The following MTA3 variants were observed in gnomAD, a reference collection of about 807,000 sequenced individuals.
MTA3 encodes the protein metastasis associated 1 family member 3.
A neutral mutation model predicts 83.5 loss-of-function variants in MTA3; 34 were observed. The observed-to-expected ratio is 0.41, with a 90% CI of 0.31 to 0.54. The LOEUF (loss-of-function observed/expected upper bound fraction) is 0.54, where lower values mean the gene tolerates loss of function less well. MTA3 is among the 20% of genes least tolerant of loss of function. The pLI, the probability that MTA3 is intolerant of heterozygous loss-of-function variation, is 0.33. For missense variants in MTA3, 761 were observed against 726.4 expected, an observed-to-expected ratio of 1.05 and a Z score of -0.55; for synonymous variants, 303 against 252.7, an observed-to-expected ratio of 1.20 and a Z score of -1.89.
At chr2:42,671,689 T>A (rs1412935764) in intron 8 of MTA3, among the ~76,000 whole-genome samples, 1 of 152,224 alleles carries the variant, frequency 6.6e-6, no homozygotes, top group Non-Finnish European at 1.5e-5. Flanking sequence ...TTAATTTAAC[T>A]TGTGAGTTAA....
intron 6 of MTA3, among the ~76,000 whole-genome samples, chr2:42,647,626 T>C (rs1688337447): frequency 1.3e-5 from 2 of 152,118 alleles, no homozygotes; most frequent in South Asian, 4.1e-4. Flanking sequence ...TCTGGGTATT[T>C]ATTTTTACAT....
chr2:42,575,699 C>G (rs969928955), intron 2 of MTA3, among the ~76,000 whole-genome samples: 1 of 152,222 alleles, frequency 6.6e-6, no homozygotes, highest in African/African-American at 2.4e-5. Flanking sequence ...GTTTGTTACC[C>G]TTTTGAGCCT....
At chr2:42,509,335 G>T (rs369333684) in intron 2 of MTA3, among the ~76,000 whole-genome samples, 1 of 152,090 alleles carries the variant, frequency 6.6e-6, no homozygotes, top group African/African-American at 2.4e-5. Context: ...GAGCCACTGC[G>T]CCTGGCCTCA....
intron 9 of MTA3, among the ~76,000 whole-genome samples, chr2:42,687,557 C>G (rs1692496340): frequency 6.6e-6 from 1 of 152,162 alleles, no homozygotes; most frequent in African/African-American, 2.4e-5. Context: ...GTTTTTGTTT[C>G]TCTTGGGAAA....
intron 5 of MTA3, among the ~76,000 whole-genome samples, chr2:42,640,907 C>T (rs1227753502): frequency 3.3e-5 from 5 of 151,942 alleles, no homozygotes; most frequent in Non-Finnish European, 7.4e-5. Flanking sequence ...ATTACATATA[C>T]GTATGTTTTA....
chr2:42,704,324 T>A lies in MTA3; in HGVS notation c.1150+6T>A, dbSNP rs1177821656. On this transcript the variant is annotated splice_donor_region_variant and intron_variant, in intron 12 of 16. Transcript: ENST00000405094. ...AGCCTGTGAGAGCTGCTATGGTAAG[T>A]TTTCTCTAGCAGGTCAGTTAAGCAT... The A allele has an allele frequency of 2.5e-6, 4 of 1,613,362 alleles. No homozygotes were observed. The highest frequency in any genetic ancestry group is 3.4e-6 in the Non-Finnish European group (4 of 1,179,660).
rs752680189 is a variant in MTA3 at position 42,609,473 on chromosome 2, A to G, written c.206A>G (p.Glu69Gly). Residue 69 changes from glutamate to glycine, a missense_variant, in exon 4 of 17, where the codon GAA (glutamate) becomes GGA (glycine). By Grantham distance (98) the Glu-to-Gly change is moderately conservative. Transcript: ENST00000405094. ...ATTTGTGTAGAAGAAATTGAGGAAG[A>G]ATCTGAAACAACAGTTGAGGCTGAC... is the stretch of plus-strand genomic sequence containing the variant. ...ADKHAKEIEE[E>G]SETTVEADLT... is the part of the protein sequence containing the mutation. 5 of 1,613,656 alleles carry G rather than the reference A, an allele frequency of 3.1e-6. No homozygotes were observed. Among genetic ancestry groups the G allele is most frequent in the Non-Finnish European group, 4.2e-6 (5 of 1,179,790 alleles).
intron 4 of MTA3, among the ~76,000 whole-genome samples, chr2:42,627,417 G>A (rs547986661): frequency 9.2e-5 from 14 of 152,242 alleles, no homozygotes; most frequent in African/African-American, 3.4e-4. Flanking sequence ...GCAATGCTAT[G>A]TTTAGTAGTA....
chr2:42,695,945 C>CT (rs1693354422), intron 10 of MTA3, 106 bp downstream of exon 10: 3 of 672,650 alleles, frequency 4.5e-6, no homozygotes, highest in Non-Finnish European at 7.5e-6. Flanking sequence ...GTTTACCTTA[C>CT]TTTTTCCAGA....
At chr2:42,531,300 A>G (rs577804974) in intron 2 of MTA3, among the ~76,000 whole-genome samples, 31 of 152,296 alleles carry the variant, frequency 2.0e-4, no homozygotes, top group Middle Eastern at 6.8e-3. Flanking sequence ...ACAATGGCCT[A>G]AGACAAATGC....
chr2:42,502,348 C>A (rs926984774), intron 2 of MTA3, among the ~76,000 whole-genome samples: 5 of 152,128 alleles, frequency 3.3e-5, no homozygotes, highest in African/African-American at 1.2e-4. Context: ...GTTGTTAGTC[C>A]GCCATCTGAG....
intron 16 of MTA3, among the ~76,000 whole-genome samples, chr2:42,738,582 A>G (rs566557330): frequency 2.0e-5 from 3 of 152,308 alleles, no homozygotes; most frequent in East Asian, 3.9e-4. Context: ...TGCAATATGA[A>G]ATCTGAGCAC....
intron 2 of MTA3, among the ~76,000 whole-genome samples, chr2:42,500,810 G>A (rs557522626): frequency 2.0e-5 from 3 of 148,624 alleles, no homozygotes; most frequent in African/African-American, 7.4e-5. Flanking sequence ...GCTTTATGAA[G>A]CTTTTTTTTT....
At chr2:42,753,286 G>A in intron 16 of MTA3, 88 bp from the exon 17 acceptor site, 1 of 1,543,652 alleles carries the variant, frequency 6.5e-7, no homozygotes, top group South Asian at 1.2e-5. Context: ...AGGTTGTGAT[G>A]TTGGGAGGGG....
chr2:42,695,634 CAAAAAAAAA>C (rs70963347), intron 9 of MTA3, 122 bp from the exon 10 acceptor site: 42 of 130,788 alleles, frequency 3.2e-4, no homozygotes, highest in Non-Finnish European at 4.4e-4. Flanking sequence ...CAGTCTATCT[CAAAAAAAAA>C]AAAAAAAAAA....
chr2:42,734,138 G>A (rs1668437991), intron 16 of MTA3, among the ~76,000 whole-genome samples: 2 of 141,276 alleles, frequency 1.4e-5, no homozygotes, highest in South Asian at 4.8e-4. Flanking sequence ...GAAGTCTCTA[G>A]CTATTATTGT....
At chr2:42,620,091 C>G (rs1218271807) in intron 4 of MTA3, among the ~76,000 whole-genome samples, 3 of 151,432 alleles carry the variant, frequency 2.0e-5, no homozygotes, top group Non-Finnish European at 4.4e-5. Flanking sequence ...CAACCATCAC[C>G]TCTGTATTGT....
At chr2:42,686,566 T>C (rs1692387020) in intron 9 of MTA3, among the ~76,000 whole-genome samples, 1 of 151,846 alleles carries the variant, frequency 6.6e-6, no homozygotes, top group Non-Finnish European at 1.5e-5. Context: ...GGCTCATGCC[T>C]GTAATCCCAA....
intron 1 of MTA3, chr2:42,569,238 T>C (rs1678186220): frequency 6.5e-6 from 1 of 152,924 alleles, no homozygotes; most frequent in African/African-American, 2.4e-5. Flanking sequence ...GGGGCCCAGC[T>C]GGACGGGCCT....
Sources: allele counts gnomAD v4.1 joint callset (sites outside exome capture counted in the v4.1 genomes callset), GRCh38; gene constraint gnomAD v4.1.1; transcripts MANE v1.5; gene names NCBI Gene and HGNC (gene_info 2026-07-23, HGNC 2026-07-21).